SGCZ: variants seen among roughly 807,000 people sequenced by gnomAD.
SGCZ encodes the protein sarcoglycan zeta.
SGCZ carries 40 observed loss-of-function variants against 41.3 expected under a neutral mutation model. The ratio of observed to expected loss-of-function variants is 0.97; its 90% CI spans 0.75 to 1.26. The LOEUF is 1.26. Among genes scored for constraint, SGCZ ranks in the 50% most tolerant of loss-of-function variants. The pLI is 0.00. For synonymous variants in SGCZ, 206 were observed against 137.5 expected (o/e 1.50, Z -3.49); for missense variants, 552 against 369.8 (o/e 1.49, Z -4.04).
intron 3 of SGCZ, among the ~76,000 whole-genome samples, chr8:14,265,451 C>A (rs1190233340): frequency 6.6e-6 from 1 of 152,114 alleles, no homozygotes; most frequent in Non-Finnish European, 1.5e-5. Flanking sequence ...GTGATGCTAA[C>A]ATCATTCTTG....
chr8:14,577,392 T>TA, intron 1 of SGCZ, among the ~76,000 whole-genome samples: 1 of 147,174 alleles, frequency 6.8e-6, no homozygotes, highest in African/African-American at 2.5e-5. Context: ...ATCTTTTTTT[T>TA]TTTTTTTTTT....
chr8:14,233,785 A>C (rs149070465), intron 4 of SGCZ, among the ~76,000 whole-genome samples: 1 of 151,644 alleles, frequency 6.6e-6, no homozygotes. Flanking sequence ...TAAAAGAAAA[A>C]TAATATTCTG....
chr8:14,970,424 A>G (rs1482516412), intron 1 of SGCZ, among the ~76,000 whole-genome samples: 1 of 152,056 alleles, frequency 6.6e-6, no homozygotes, highest in East Asian at 1.9e-4. Context: ...TTTTTTCCTT[A>G]TGTTTCCTTC....
intron 3 of SGCZ, among the ~76,000 whole-genome samples, chr8:14,279,618 A>C (rs371484460): frequency 1.3e-5 from 2 of 152,058 alleles, no homozygotes; most frequent in Non-Finnish European, 2.9e-5. Flanking sequence ...TGACTGTAAC[A>C]TATGTTAACA....
chr8:14,864,623 AAAT>A (rs1203488885), intron 1 of SGCZ, among the ~76,000 whole-genome samples: 4 of 152,140 alleles, frequency 2.6e-5, no homozygotes, highest in Non-Finnish European at 4.4e-5. Context: ...AAAGTCAGAG[AAAT>A]AATAACAGGT....
At chr8:15,187,671 T>C (rs925327836) in intron 1 of SGCZ, among the ~76,000 whole-genome samples, 4 of 152,014 alleles carry the variant, frequency 2.6e-5, no homozygotes, top group Admixed American at 2.0e-4. Flanking sequence ...CCCCACAAAA[T>C]CAAAACCCAT....
At chr8:14,107,734 G>C (rs1205695667) in intron 6 of SGCZ, among the ~76,000 whole-genome samples, 1 of 152,134 alleles carries the variant, frequency 6.6e-6, no homozygotes, top group African/African-American at 2.4e-5. Context: ...GACCTCCTGG[G>C]CTCAAGCAAT....
chr8:14,186,564 A>G (rs564126249), intron 4 of SGCZ, among the ~76,000 whole-genome samples: 115 of 152,282 alleles, frequency 7.6e-4, no homozygotes, highest in African/African-American at 2.6e-3. Context: ...AACCCCTACT[A>G]TAACAAGTGC....
intron 1 of SGCZ, among the ~76,000 whole-genome samples, chr8:14,874,160 T>C (rs1804263625): frequency 6.6e-6 from 1 of 152,164 alleles, no homozygotes; most frequent in African/African-American, 2.4e-5. Context: ...ATTCTTCTAG[T>C]TATAAAGAAA....
At chr8:15,009,624 G>C (rs938783699) in intron 1 of SGCZ, among the ~76,000 whole-genome samples, 2 of 152,132 alleles carry the variant, frequency 1.3e-5, no homozygotes, top group African/African-American at 4.8e-5. Context: ...ATCATTTTTA[G>C]CAGGTGACTG....
intron 3 of SGCZ, among the ~76,000 whole-genome samples, chr8:14,265,013 T>C (rs1453227982): frequency 1.3e-5 from 2 of 152,186 alleles, no homozygotes; most frequent in East Asian, 3.9e-4. Flanking sequence ...ACACGCCAGA[T>C]GGCAAACACT....
At chr8:14,932,581 CAT>C (rs1799949741) in intron 1 of SGCZ, among the ~76,000 whole-genome samples, 2 of 151,950 alleles carry the variant, frequency 1.3e-5, no homozygotes, top group South Asian at 4.1e-4. Flanking sequence ...GAAATTATAA[CAT>C]ATTTTACTAA....
chr8:14,866,112 A>G (rs1243793176), intron 1 of SGCZ, among the ~76,000 whole-genome samples: 1 of 152,136 alleles, frequency 6.6e-6, no homozygotes, highest in African/African-American at 2.4e-5. Context: ...CTTCACAGGT[A>G]ACATATTAAT....
chr8:14,441,349 G>T (rs972623178), intron 2 of SGCZ, among the ~76,000 whole-genome samples: 1 of 152,146 alleles, frequency 6.6e-6, no homozygotes, highest in Non-Finnish European at 1.5e-5. Context: ...GGCCAAGACA[G>T]GTGGATCACG....
chr8:14,435,882 A>G (rs1800076111), intron 2 of SGCZ, among the ~76,000 whole-genome samples: 1 of 152,226 alleles, frequency 6.6e-6, no homozygotes, highest in Non-Finnish European at 1.5e-5. Flanking sequence ...ATTGTTATAA[A>G]TATGTATCCT....
At chr8:14,279,165 AG>A (rs2117284013) in intron 3 of SGCZ, among the ~76,000 whole-genome samples, 1 of 152,166 alleles carries the variant, frequency 6.6e-6, no homozygotes, top group African/African-American at 2.4e-5. Flanking sequence ...TTTATTAAGA[AG>A]CTCAATAGGT....
At chr8:14,668,918 TTG>T (rs60932690) in intron 1 of SGCZ, among the ~76,000 whole-genome samples, 80 of 151,264 alleles carry the variant, frequency 5.3e-4, no homozygotes, top group African/African-American at 1.6e-3. Context: ...AGTTATTTTC[TTG>T]TGTGTGTGTG....
At chr8:14,114,655 T>G (rs1802470712) in intron 5 of SGCZ, among the ~76,000 whole-genome samples, 1 of 151,980 alleles carries the variant, frequency 6.6e-6, no homozygotes, top group Non-Finnish European at 1.5e-5. Flanking sequence ...CTGCTGGTGA[T>G]CAAAAGGAAA....
At chr8:15,080,698 G>A (rs960036889) in intron 1 of SGCZ, among the ~76,000 whole-genome samples, 1 of 152,036 alleles carries the variant, frequency 6.6e-6, no homozygotes, top group African/African-American at 2.4e-5. Context: ...TCAAGCGATT[G>A]TGCTGCCTCA....
Sources: gnomAD v4.1 joint callset for allele counts (sites outside exome capture counted in the v4.1 genomes callset) on GRCh38, gnomAD v4.1.1 for gene constraint, MANE v1.5 for transcripts, NCBI Gene and HGNC (gene_info 2026-07-23, HGNC 2026-07-21) for gene names.